NECTIN1: variants seen among roughly 807,000 people sequenced by gnomAD.
NECTIN1 encodes the protein nectin cell adhesion molecule 1.
In NECTIN1, 23 loss-of-function variants were observed where a neutral mutation model predicts 48.0. The observed-to-expected ratio is 0.48, with a 90% CI of 0.34 to 0.68. The LOEUF (loss-of-function observed/expected upper bound fraction) is 0.68. Ranked by LOEUF, NECTIN1 falls within the 30% of genes least tolerant of loss-of-function variation. The pLI, the probability that NECTIN1 is intolerant of heterozygous loss-of-function variation, is 0.01. For synonymous variants in NECTIN1, 270 were observed against 288.9 expected (o/e 0.93, Z 0.66); for missense variants, 591 against 709.9 (o/e 0.83, Z 1.90).
chr11:119,666,930 C>CA (rs1864780712), intron 5 of NECTIN1, among the ~76,000 whole-genome samples: 1 of 152,170 alleles, frequency 6.6e-6, no homozygotes, highest in African/African-American at 2.4e-5. Context: ...GGAGGCCACT[C>CA]ACTCATCCAA....
chr11:119,638,673 C>A, intron 7 of NECTIN1: 7 of 1,485,114 alleles, frequency 4.7e-6, no homozygotes, highest in Non-Finnish European at 6.5e-6. Flanking sequence ...GGGGCCATCT[C>A]CCATTTTTCT....
In NECTIN1 at chr11:119,673,119, C is replaced by A. The variant is rs12275341; in HGVS notation, c.1003+2040G>T. On this transcript the variant is annotated intron_variant, in intron 5 of 5. Coordinates refer to ENST00000264025, the MANE Select transcript of NECTIN1 (RefSeq NM_002855.5). This position sits in a 1 kb window ranked among gnomAD's most constrained non-coding sequence, Gnocchi z 5.8. ...AGAGCAAGGGCATGGCTGTGCCCTG[C>A]GGGGTGGGCTCCCCAGAGAATGTGG... Among the ~76,000 whole-genome samples, 1 of 152,182 alleles carries A rather than the reference C, an allele frequency of 6.6e-6. No homozygotes were observed.
chr11:119,674,790 A>T, intron 5 of NECTIN1: 3 of 1,422,016 alleles, frequency 2.1e-6, no homozygotes, highest in African/African-American at 1.4e-5. Context: ...CAGAGCTTGG[A>T]GGAGATGAGC....
intron 1 of NECTIN1, among the ~76,000 whole-genome samples, chr11:119,682,994 T>G (rs1865086761): frequency 6.6e-6 from 1 of 152,204 alleles, no homozygotes; most frequent in Non-Finnish European, 1.5e-5. Context: ...CTGGCATATG[T>G]GTCTAGCCTG....
rs1410065159 is a variant in NECTIN1, at chr11:119,672,136, G to A, written c.1003+3023C>T. Among the ~76,000 whole-genome samples the A allele has an allele frequency of 1.3e-5, 2 of 152,216 alleles. No individual in the cohort carries two copies. Among genetic ancestry groups the A allele is most frequent in the Non-Finnish European group, 2.9e-5 (2 of 68,040 alleles). ...ACCCTCACCTGCAAGGGATGAGCCC[G>A]GGCTTCACTGGAAATGTGAGTTGGG... On this transcript the variant is annotated intron_variant, in intron 5 of 5. Coordinates refer to ENST00000264025, the MANE Select transcript of NECTIN1 (RefSeq NM_002855.5). This position sits in a 1 kb window ranked among gnomAD's most constrained non-coding sequence, Gnocchi z 4.3.
intron 1 of NECTIN1, among the ~76,000 whole-genome samples, chr11:119,724,837 A>T (rs1228326069): frequency 6.6e-6 from 1 of 152,242 alleles, no homozygotes; most frequent in Non-Finnish European, 1.5e-5. Context: ...GACCCTATGC[A>T]GACTGTCAGA....
intron 5 of NECTIN1, among the ~76,000 whole-genome samples, chr11:119,667,462 G>T (rs898874174): frequency 6.6e-6 from 1 of 152,218 alleles, no homozygotes; most frequent in Non-Finnish European, 1.5e-5. Flanking sequence ...AGCACATGCA[G>T]ATGTTAAGGG....
Position 119,682,752 on chromosome 11 carries a change from A to G in NECTIN1, c.80-3987T>C, listed in dbSNP as rs574265860. ...GGCTCATTAGATGCTAGCTTCCATC[A>G]TCATCATCACCATCATCTTTCATCT... On this transcript the variant is annotated intron_variant, in intron 1 of 5. Transcript: ENST00000264025. Among the ~76,000 whole-genome samples, 4 of 152,268 alleles carry G rather than the reference A, an allele frequency of 2.6e-5. No homozygotes were observed. The East Asian group carries it at 7.7e-4, about 29-fold the overall frequency.
intron 5 of NECTIN1, among the ~76,000 whole-genome samples, chr11:119,648,194 GTGATGGTACTGGTGCA>G (rs1864423924): frequency 7.2e-6 from 1 of 138,896 alleles, no homozygotes; most frequent in Non-Finnish European, 1.6e-5. Context: ...TGGTGGTGGT[GTGATGGTACTGGTGCA>G]GTGGTGGTGG....
chr11:119,649,080 G>T (rs1647203039), intron 5 of NECTIN1, among the ~76,000 whole-genome samples: 1 of 152,192 alleles, frequency 6.6e-6, no homozygotes, highest in African/African-American at 2.4e-5. Flanking sequence ...CACAGTGCTG[G>T]ATTCAAAAGC....
intron 5 of NECTIN1, chr11:119,674,507 C>G: frequency 6.2e-7 from 1 of 1,609,750 alleles, no homozygotes; most frequent in Admixed American, 1.7e-5. Flanking sequence ...CCCCGTTTTA[C>G]AGATGGTGGG....
At chr11:119,728,160 T>C (rs1385086654) in intron 1 of NECTIN1, among the ~76,000 whole-genome samples, 1 of 152,268 alleles carries the variant, frequency 6.6e-6, no homozygotes, top group African/African-American at 2.4e-5. Flanking sequence ...GTTTCCAAAC[T>C]GCTTCCCGAG....
intron 1 of NECTIN1, among the ~76,000 whole-genome samples, chr11:119,690,286 T>A (rs1865230528): frequency 6.6e-6 from 1 of 152,090 alleles, no homozygotes; most frequent in Admixed American, 6.6e-5. Flanking sequence ...TTTCCATGTC[T>A]CCTGGCTCAG....
rs1466140769 is a variant in NECTIN1 at position 119,661,089 on chromosome 11, G to A, written c.*3658C>T. ...TTTAATACAAGTAAAAGGGGGTGAT[G>A]CAAACACCCCCCAGGTCAGAACCAG... On this transcript the variant is annotated 3_prime_UTR_variant, in exon 6 of 6. Coordinates refer to ENST00000264025, the MANE Select transcript of NECTIN1 (RefSeq NM_002855.5). 11 of 981,630 alleles carry A rather than the reference G, an allele frequency of 1.1e-5. No individual in the cohort carries two copies. The highest frequency in any genetic ancestry group is 1.3e-5 in the Non-Finnish European group (11 of 826,226). The allele number at this position is 981,630 out of a possible 1,614,324, so 60.8% of individuals were successfully genotyped here. A position where few individuals can be genotyped will look rare whatever the true frequency, so the allele number is the denominator to read the frequency against.
chr11:119,646,789 C>T (rs533417258), intron 5 of NECTIN1, among the ~76,000 whole-genome samples: 1 of 152,352 alleles, frequency 6.6e-6, no homozygotes, highest in East Asian at 1.9e-4. Flanking sequence ...GAGCTGGCCA[C>T]CTTCTTAGCT....
chr11:119,704,585 A>G (rs1016972184), intron 1 of NECTIN1, among the ~76,000 whole-genome samples: 2 of 152,134 alleles, frequency 1.3e-5, no homozygotes, highest in African/African-American at 4.8e-5. Flanking sequence ...GAGGCTGTGG[A>G]TTTCAGCCCC....
chr11:119,642,254 A>T (rs920537064), intron 5 of NECTIN1: 1 of 152,082 alleles, frequency 6.6e-6, no homozygotes, highest in Non-Finnish European at 1.5e-5. Flanking sequence ...ACCACGCTGG[A>T]TGCTACGAAT....
intron 1 of NECTIN1, among the ~76,000 whole-genome samples, chr11:119,690,854 C>T (rs931476049): frequency 8.5e-5 from 13 of 152,158 alleles, no homozygotes; most frequent in Non-Finnish European, 1.6e-4. Flanking sequence ...TCCATCACTG[C>T]AGAAGCCACT....
At chr11:119,680,254 G>A (rs550650605) in intron 1 of NECTIN1, among the ~76,000 whole-genome samples, 1 of 152,238 alleles carries the variant, frequency 6.6e-6, no homozygotes, top group African/African-American at 2.4e-5. Flanking sequence ...GCACTAGGCT[G>A]TACACTCCAG....
Sources: gnomAD v4.1 joint callset for allele counts (sites outside exome capture counted in the v4.1 genomes callset) on GRCh38, gnomAD v4.1.1 for gene constraint, Gnocchi (gnomAD v3.1) non-coding constraint, MANE v1.5 for transcripts, NCBI Gene and HGNC (gene_info 2026-07-23, HGNC 2026-07-21) for gene names.